TRABD2B: variants seen among roughly 807,000 people sequenced by gnomAD.
The protein encoded by TRABD2B is TraB domain containing 2B, also known as metalloprotease TIKI2.
TRABD2B carries 14 observed loss-of-function variants against 40.1 expected under a neutral mutation model. That is an observed-to-expected ratio of 0.35 (90% CI 0.23 to 0.55). TRABD2B has a LOEUF of 0.55. Among genes scored for constraint, TRABD2B ranks in the 20% least tolerant of loss-of-function variants. TRABD2B has a pLI of 0.90. For missense variants in TRABD2B, 541 were observed against 648.6 expected, an observed-to-expected ratio of 0.83 and a Z score of 1.80; for synonymous variants, 263 against 277.0, an observed-to-expected ratio of 0.95 and a Z score of 0.50.
At chr1:47,823,897 C>T (rs1448861038) in intron 2 of TRABD2B, among the ~76,000 whole-genome samples, 1 of 152,184 alleles carries the variant, frequency 6.6e-6, no homozygotes, top group South Asian at 2.1e-4. Flanking sequence ...TCACTACCAA[C>T]ATCAACAGGG....
intron 2 of TRABD2B, among the ~76,000 whole-genome samples, chr1:47,921,781 C>T (rs1458315135): frequency 6.6e-6 from 1 of 152,074 alleles, no homozygotes; most frequent in Non-Finnish European, 1.5e-5. Context: ...TGGCCGTCAC[C>T]CTTGCAACCT....
At chr1:47,923,731 T>G (rs1443484279) in intron 2 of TRABD2B, among the ~76,000 whole-genome samples, 1 of 152,104 alleles carries the variant, frequency 6.6e-6, no homozygotes, top group East Asian at 1.9e-4. Flanking sequence ...TTGAAGGCTT[T>G]AAGAGAAAAA....
chr1:47,924,995 T>A (rs531924010), intron 2 of TRABD2B, among the ~76,000 whole-genome samples: 1 of 152,232 alleles, frequency 6.6e-6, no homozygotes, highest in Non-Finnish European at 1.5e-5. Context: ...TGACCCCCAA[T>A]GGCTTTGATT....
chr1:47,780,952 G>A (rs1044804528), intron 4 of TRABD2B, among the ~76,000 whole-genome samples: 2 of 152,228 alleles, frequency 1.3e-5, no homozygotes, highest in Admixed American at 1.3e-4. Flanking sequence ...TGCGTCAAAC[G>A]GGCCTACAGT....
chr1:47,808,809 C>T (rs1172473314), intron 2 of TRABD2B, among the ~76,000 whole-genome samples: 1 of 152,146 alleles, frequency 6.6e-6, no homozygotes, highest in East Asian at 1.9e-4. Flanking sequence ...ACCAAGCCAC[C>T]TCCACCCAAC....
In TRABD2B at chr1:47,883,439, CAG is replaced by C. The variant is rs772387761; in HGVS notation, c.667-81822_667-81821del. ...AAACTCATACCTCTTGGCAACAAGA[CAG>C]AGACATAACTAGGGGGTAGGGAGTA... On this transcript the variant is annotated intron_variant, in intron 2 of 6. Coordinates refer to ENST00000606738, the MANE Select transcript of TRABD2B (RefSeq NM_001194986.2). 3.8e-4 allele frequency among the ~76,000 whole-genome samples: 58 copies of C among 152,260 alleles called. 1 individual carries two copies. The highest frequency in any genetic ancestry group is 2.0e-3 in the Admixed American group (31 of 15,286).
Position 47,794,734 on chromosome 1 carries a change from G to C in TRABD2B, c.840C>G (p.Leu280=), listed in dbSNP as rs371621965. The C allele has an allele frequency of 3.3e-6, 5 of 1,535,164 alleles. No individual in the cohort carries two copies. Among genetic ancestry groups the C allele is most frequent in the Non-Finnish European group, 3.5e-6 (4 of 1,146,358 alleles). Residue 280 remains leucine, a synonymous_variant, in exon 4 of 7, where the codon CTC becomes CTG. Transcript: ENST00000606738. ...SQLPNFINTT[L]PPHEQVTAQE... ...GGGCCGTCACCTGCTCGTGTGGCGG[G>C]AGGGTGGTGTTGATAAAGTTGGGCA...
intron 2 of TRABD2B, among the ~76,000 whole-genome samples, chr1:47,871,416 T>C (rs558266912): frequency 1.0e-3 from 157 of 152,086 alleles, no homozygotes; most frequent in Non-Finnish European, 1.9e-3. Flanking sequence ...AGCAAGGAAA[T>C]TCATTCACTT....
At chr1:47,927,094 G>C (rs1644980124) in intron 2 of TRABD2B, among the ~76,000 whole-genome samples, 2 of 152,176 alleles carry the variant, frequency 1.3e-5, no homozygotes, top group Admixed American at 6.5e-5. Flanking sequence ...CCTTTGGAGG[G>C]TCTAGCAGGA....
intron 6 of TRABD2B, among the ~76,000 whole-genome samples, chr1:47,767,061 G>A (rs572341543): frequency 1.3e-5 from 2 of 152,296 alleles, no homozygotes; most frequent in Admixed American, 1.3e-4. Context: ...GAAATGGACA[G>A]GCAGAGAGAG....
rs548145642 is a variant in TRABD2B, at chr1:47,865,638, A to G, written c.667-64019T>C. Among the ~76,000 whole-genome samples, 3 of 152,320 alleles carry G rather than the reference A, an allele frequency of 2.0e-5. No homozygotes were observed. The South Asian group carries it at 6.2e-4, about 32-fold the overall frequency. On this transcript the variant is annotated intron_variant, in intron 2 of 6. Transcript: ENST00000606738. ...GGCACTGGATTCTCTGCCCAGCTCC[A>G]GAGAGGTTCTCATCCTCTTTCTGAG... is the stretch of plus-strand genomic sequence containing the variant.
intron 2 of TRABD2B, among the ~76,000 whole-genome samples, chr1:47,990,784 T>G (rs1340815622): frequency 2.2e-4 from 2 of 9,102 alleles, no homozygotes; most frequent in African/African-American, 5.6e-4. Context: ...TATATATATA[T>G]ATATATATAT....
intron 6 of TRABD2B, among the ~76,000 whole-genome samples, chr1:47,772,109 G>A (rs555761948): frequency 6.6e-6 from 1 of 152,026 alleles, no homozygotes; most frequent in Non-Finnish European, 1.5e-5. Flanking sequence ...GCAACCACAT[G>A]GTGCTGGGTG....
intron 2 of TRABD2B, among the ~76,000 whole-genome samples, chr1:47,836,168 T>G (rs901180322): frequency 6.6e-6 from 1 of 152,202 alleles, no homozygotes; most frequent in Non-Finnish European, 1.5e-5. Context: ...TAGACCTGGG[T>G]TCACATGAAA....
chr1:47,933,700 G>A (rs1004046614), intron 2 of TRABD2B, among the ~76,000 whole-genome samples: 1 of 152,174 alleles, frequency 6.6e-6, no homozygotes, highest in Admixed American at 6.5e-5. Flanking sequence ...GGTACACTGT[G>A]TGCCCCTGGA....
At chr1:47,849,458 A>G (rs1645517921) in intron 2 of TRABD2B, among the ~76,000 whole-genome samples, 1 of 152,188 alleles carries the variant, frequency 6.6e-6, no homozygotes, top group Non-Finnish European at 1.5e-5. Context: ...TCGGCCACCC[A>G]GTCTGTGGTT....
chr1:47,962,422 T>C (rs574815484), intron 2 of TRABD2B, among the ~76,000 whole-genome samples: 1 of 152,206 alleles, frequency 6.6e-6, no homozygotes, highest in South Asian at 2.1e-4. Flanking sequence ...AGCCCAGCAA[T>C]AGATTATTTC....
chr1:47,989,328 C>T (rs1052162592), intron 2 of TRABD2B, among the ~76,000 whole-genome samples: 4 of 152,184 alleles, frequency 2.6e-5, no homozygotes, highest in South Asian at 2.1e-4. Context: ...TTTTCTTCAT[C>T]GTTCATTCCT....
At chr1:47,803,535 C>T (rs1172837013) in intron 2 of TRABD2B, among the ~76,000 whole-genome samples, 1 of 152,130 alleles carries the variant, frequency 6.6e-6, no homozygotes, top group East Asian at 1.9e-4. Context: ...CAAACTAGCC[C>T]AGCCAAGATC....
Sources: allele counts gnomAD v4.1 joint callset (sites outside exome capture counted in the v4.1 genomes callset), GRCh38; gene constraint gnomAD v4.1.1; transcripts MANE v1.5; gene names NCBI Gene and HGNC (gene_info 2026-07-23, HGNC 2026-07-21).